RAD51C: variants seen among roughly 807,000 people sequenced by gnomAD.
RAD51C encodes the protein RAD51 paralog C.
A neutral mutation model predicts 45.0 loss-of-function variants in RAD51C; 42 were observed. That is an observed-to-expected ratio of 0.93 (90% CI 0.73 to 1.21). RAD51C has a LOEUF of 1.21. Among genes scored for constraint, RAD51C ranks in the 50% most tolerant of loss-of-function variants. The probability of loss-of-function intolerance (pLI) is 0.00; values close to 1 mark genes in which losing one functional copy is unlikely to be tolerated. For synonymous variants in RAD51C, 172 were observed against 159.8 expected, an observed-to-expected ratio of 1.08 and a Z score of -0.58; for missense variants, 474 against 452.2, an observed-to-expected ratio of 1.05 and a Z score of -0.44.
chr17:58,694,044 C>G (rs2047902734), intron 1 of RAD51C: 1 of 152,154 alleles, frequency 6.6e-6, no homozygotes, highest in Non-Finnish European at 1.5e-5. Context: ...TTTCTCAGGC[C>G]ACACTGTCAG....
chr17:58,692,960 G>A (rs368039827), intron 1 of RAD51C, 172 bp downstream of exon 1: 8 of 925,008 alleles, frequency 8.6e-6, no homozygotes, highest in Non-Finnish European at 1.6e-6. Context: ...TGTCTGAATG[G>A]TTAGGAGAAC....
chr17:58,694,836 C>T (rs1426447721), intron 1 of RAD51C, 95 bp from the exon 2 acceptor site: 3 of 1,166,648 alleles, frequency 2.6e-6, no homozygotes, highest in Non-Finnish European at 2.6e-6. Flanking sequence ...CTCCTAGCAT[C>T]ACTGTTGTCT....
intron 7 of RAD51C, among the ~76,000 whole-genome samples, chr17:58,726,295 T>C (rs1255188137): frequency 6.6e-6 from 1 of 151,046 alleles, no homozygotes; most frequent in Non-Finnish European, 1.5e-5. Flanking sequence ...GTTAACTGAA[T>C]AAGTAGTAAA....
Position 58,720,811 on chromosome 17 carries a change from A to C in RAD51C, c.903A>C (p.Leu301Phe), listed in dbSNP as rs761799817. 1 of 1,607,840 alleles carries C rather than the reference A, an allele frequency of 6.2e-7. No homozygotes were observed. Among genetic ancestry groups the C allele is most frequent in the South Asian group, 1.1e-5 (1 of 90,970 alleles). ...ATCAGGCCTTGCTTGTTCCTGCATT[A>C]GGTGGGTAATTAATCAGATAAACAT... Reference protein sequence around the residue: ...DRNQALLVPALGESWGHAATI... With the variant: ...DRNQALLVPAFGESWGHAATI... The change falls in exon 6 of 9, where the codon TTA (leucine) becomes TTC (phenylalanine). Residue 301 changes from leucine to phenylalanine, a missense_variant and splice_region_variant. Transcript: ENST00000337432.
intron 4 of RAD51C, chr17:58,706,035 C>T (rs2143826443): frequency 6.6e-6 from 1 of 152,258 alleles, no homozygotes; most frequent in South Asian, 2.1e-4. Context: ...AAGTTATATG[C>T]TTTCAAAATA....
intron 4 of RAD51C, among the ~76,000 whole-genome samples, chr17:58,706,270 T>TA (rs1419371935): frequency 2.0e-5 from 3 of 151,664 alleles, no homozygotes; most frequent in Non-Finnish European, 2.9e-5. Context: ...CTACTAAAAA[T>TA]ACAAAAATTA....
intron 5 of RAD51C, among the ~76,000 whole-genome samples, chr17:58,711,837 T>A (rs1421428162): frequency 6.6e-6 from 1 of 152,096 alleles, no homozygotes. Context: ...TACTTTATAA[T>A]TTCTTTGCTT....
chr17:58,731,377 A>G (rs2049415659), intron 7 of RAD51C, among the ~76,000 whole-genome samples: 1 of 150,758 alleles, frequency 6.6e-6, no homozygotes, highest in Admixed American at 6.7e-5. Flanking sequence ...CTCCTGCCTC[A>G]GCCTCCCGAG....
At chr17:58,712,538 A>G (rs954375637) in intron 5 of RAD51C, among the ~76,000 whole-genome samples, 1 of 152,040 alleles carries the variant, frequency 6.6e-6, no homozygotes, top group Non-Finnish European at 1.5e-5. Context: ...ATGAGGTCAT[A>G]GGCCAGGTGT....
rs2048019846 is a variant in RAD51C, at chr17:58,696,677, A to T, written c.405-16A>T. 6.2e-7 allele frequency: 1 copy of T among 1,614,062 alleles called. No homozygotes were observed. ...CATCATCATGATTTGGTTGTTTGTCATCTTTCTGTTGACAGTATGCAGTTG... is the reference window on the plus strand; with the variant it reads ...CATCATCATGATTTGGTTGTTTGTCTTCTTTCTGTTGACAGTATGCAGTTG... On this transcript the variant is annotated splice_polypyrimidine_tract_variant and intron_variant, in intron 2 of 8. Coordinates refer to ENST00000337432, the MANE Select transcript of RAD51C (RefSeq NM_058216.3).
rs1268900552 is a variant in RAD51C, at chr17:58,727,127, CT to C, written c.965+3041del. Among the ~76,000 whole-genome samples, 502 of 131,542 alleles carry C rather than the reference CT, an allele frequency of 3.8e-3. 1 individual carries two copies. The highest frequency in any genetic ancestry group is 5.3e-3 in the Middle Eastern group (1 of 188). The allele number at this position is 131,542 out of a possible 152,430, so 86.3% of individuals were successfully genotyped here. A position where few individuals can be genotyped will look rare whatever the true frequency, so the allele number is the denominator to read the frequency against. On this transcript the variant is annotated intron_variant, in intron 7 of 8. Coordinates refer to ENST00000337432, the MANE Select transcript of RAD51C (RefSeq NM_058216.3). ...GAGCCACCGCACCCGGCCTTATAAA[CT>C]TTTTTTTTTTTTTGAGAGGGAGTTT...
intron 5 of RAD51C, among the ~76,000 whole-genome samples, chr17:58,716,461 C>G (rs2048740424): frequency 6.6e-6 from 1 of 151,968 alleles, no homozygotes; most frequent in Non-Finnish European, 1.5e-5. Context: ...TTTAATTTAA[C>G]TTTTTTATTT....
intron 3 of RAD51C, among the ~76,000 whole-genome samples, chr17:58,698,074 C>T (rs1358290221): frequency 1.7e-4 from 26 of 151,594 alleles, no homozygotes; most frequent in African/African-American, 5.8e-4. Context: ...TACAGTGGCG[C>T]GATCTCGGCT....
At chr17:58,704,348 C>G (rs2048310117) in intron 4 of RAD51C, among the ~76,000 whole-genome samples, 1 of 151,984 alleles carries the variant, frequency 6.6e-6, no homozygotes, top group Non-Finnish European at 1.5e-5. Context: ...TCTTGGTTCA[C>G]TGCAACCTCT....
chr17:58,734,286 A>T lies in RAD51C; in HGVS notation c.*64A>T, dbSNP rs1313097044. 1 of 1,567,242 alleles carries T rather than the reference A, an allele frequency of 6.4e-7. No individual in the cohort carries two copies. On this transcript the variant is annotated 3_prime_UTR_variant, in exon 9 of 9. Transcript: ENST00000337432. ...TTGTGAAATCAATGTGTACAAGTGG[A>T]CTTGTTACCTTAAAGTATAAATAAA...
At chr17:58,709,829 C>T (rs2143849210) in intron 4 of RAD51C, 30 bp from the exon 5 acceptor site, 1 of 1,579,360 alleles carries the variant, frequency 6.3e-7, no homozygotes, top group Non-Finnish European at 8.7e-7. Flanking sequence ...TTTTTCGTAA[C>T]AAATCTAATA....
intron 3 of RAD51C, among the ~76,000 whole-genome samples, chr17:58,701,942 G>C (rs1003175766): frequency 6.6e-6 from 1 of 151,488 alleles, no homozygotes; most frequent in African/African-American, 2.4e-5. Flanking sequence ...TTATACTATA[G>C]CATTCAAGAG....
At chr17:58,701,318 C>A (rs1166161433) in intron 3 of RAD51C, among the ~76,000 whole-genome samples, 2 of 151,748 alleles carry the variant, frequency 1.3e-5, no homozygotes, top group African/African-American at 4.8e-5. Context: ...ACCATCCTTG[C>A]TAACATGGTG....
chr17:58,696,777 T>A lies in RAD51C; in HGVS notation c.489T>A (p.Ser163Arg), dbSNP rs876659719. The change falls in exon 3 of 9, where the codon AGT becomes AGA. Residue 163 changes from serine to arginine, a missense_variant. Ser to Arg is a moderately radical substitution (Grantham distance 110). Coordinates refer to ENST00000337432, the MANE Select transcript of RAD51C (RefSeq NM_058216.3). Reference sequence around the variant, plus strand: ...CAGTTTTTATTGATACAGAGGGAAGTTTTATGGTTGATAGAGTGGTAGACC... The same window carrying A: ...CAGTTTTTATTGATACAGAGGGAAGATTTATGGTTGATAGAGTGGTAGACC... Reference protein sequence around the residue: ...GEAVFIDTEGSFMVDRVVDLA... With the variant: ...GEAVFIDTEGRFMVDRVVDLA... The A allele has an allele frequency of 4.3e-6, 7 of 1,614,038 alleles. No individual in the cohort carries two copies. The highest frequency in any genetic ancestry group is 4.2e-6 in the Non-Finnish European group (5 of 1,179,996).
Sources: gnomAD v4.1 joint callset for allele counts (sites outside exome capture counted in the v4.1 genomes callset) on GRCh38, gnomAD v4.1.1 for gene constraint, MANE v1.5 for transcripts, NCBI Gene and HGNC (gene_info 2026-07-23, HGNC 2026-07-21) for gene names.